Variants in MKX observed in about 807,000 individuals in gnomAD.
MKX encodes the protein homeobox protein Mohawk.
Under a neutral mutation model 36.0 loss-of-function variants are expected in MKX, and 13 were observed. The observed-to-expected ratio is 0.36, with a 90% CI of 0.24 to 0.57. The LOEUF (loss-of-function observed/expected upper bound fraction) is 0.57. MKX is among the 20% of genes least tolerant of loss of function. MKX has a pLI of 0.79. For synonymous variants in MKX, 176 were observed against 178.3 expected (o/e 0.99, Z 0.10); for missense variants, 458 against 456.4 (o/e 1.00, Z -0.03).
chr10:27,743,438 C>T lies in MKX; in HGVS notation c.-23G>A, dbSNP rs764939593. ...CATGGTGTCGGTTGGTAGGGACGCGCGGCGCGGCCGCAGAGCCTCGGGGCT... is the reference window on the plus strand; with the variant it reads ...CATGGTGTCGGTTGGTAGGGACGCGTGGCGCGGCCGCAGAGCCTCGGGGCT... On this transcript the variant is annotated 5_prime_UTR_variant, in exon 2 of 7. Transcript: ENST00000419761. The T allele has an allele frequency of 5.7e-5, 87 of 1,517,482 alleles. No homozygotes were observed. Among genetic ancestry groups the T allele is most frequent in the Admixed American group, 9.4e-5 (4 of 42,710 alleles). The allele number at this position is 1,517,482 out of a possible 1,614,324, so 94.0% of individuals were successfully genotyped here. A position where few individuals can be genotyped will look rare whatever the true frequency, so the allele number is the denominator to read the frequency against.
rs954000655 is a variant in MKX, at chr10:27,722,805, T to C, written c.838+11651A>G. Among the ~76,000 whole-genome samples, 14 of 152,284 alleles carry C rather than the reference T, an allele frequency of 9.2e-5. No individual in the cohort carries two copies. The South Asian group carries it at 2.9e-3, about 32-fold the overall frequency. On this transcript the variant is annotated intron_variant, in intron 5 of 6. Coordinates refer to ENST00000419761, the MANE Select transcript of MKX (RefSeq NM_173576.3). Reference sequence around the variant, plus strand: ...CCAGCCTCTACCCAGACCTTTATGCTGTCATTTTAATGAAAGCATCTGAGA... The same window carrying C: ...CCAGCCTCTACCCAGACCTTTATGCCGTCATTTTAATGAAAGCATCTGAGA...
intron 5 of MKX, among the ~76,000 whole-genome samples, chr10:27,706,834 A>C (rs1295238080): frequency 1.3e-5 from 2 of 152,220 alleles, no homozygotes; most frequent in Admixed American, 1.3e-4. Context: ...CTTGCTCTTA[A>C]ATCCATAAAG....
chr10:27,718,852 C>G (rs148215651), intron 5 of MKX, among the ~76,000 whole-genome samples: 209 of 152,180 alleles, frequency 1.4e-3, no homozygotes, highest in African/African-American at 4.9e-3. Context: ...TACATGAAAC[C>G]TACCAGGAAT....
At chr10:27,703,674 G>A (rs1050475113) in intron 5 of MKX, among the ~76,000 whole-genome samples, 7 of 152,072 alleles carry the variant, frequency 4.6e-5, no homozygotes, top group South Asian at 2.1e-4. Flanking sequence ...CGTAGCGGGC[G>A]GATCACTTGA....
Position 27,741,349 on chromosome 10 carries a change from A to C in MKX, c.344T>G (p.Val115Gly), listed in dbSNP as rs1215200540. The change falls in exon 3 of 7, where the codon GTG (valine) becomes GGG (glycine). Residue 115 changes from valine (V) to glycine (G), a missense_variant. By Grantham distance (109) the Val-to-Gly change is moderately radical. Coordinates refer to ENST00000419761, the MANE Select transcript of MKX (RefSeq NM_173576.3). The surrounding 1 kb of genome is among the most constrained non-coding windows in gnomAD (Gnocchi z 5.1). ...LLALGSQMTL[V>G]QVSNWFANAR... ...GTGTTAATGGGTCCTGATTACCTGC[A>C]CTAGCGTCATCTGCGAGCCGAGGGC... 6.2e-7 allele frequency: 1 copy of C among 1,612,436 alleles called. No individual in the cohort carries two copies. Among genetic ancestry groups the C allele is most frequent in the East Asian group, 2.2e-5 (1 of 44,718 alleles).
At chr10:27,734,233 C>T (rs1834698048) in intron 5 of MKX, among the ~76,000 whole-genome samples, 1 of 151,930 alleles carries the variant, frequency 6.6e-6, no homozygotes, top group Non-Finnish European at 1.5e-5. Context: ...ATAAAACTTC[C>T]TGTCTTTAAT....
At chr10:27,711,499 T>TCTCTCTCTTCCTTCC (rs1554772224) in intron 5 of MKX, among the ~76,000 whole-genome samples, 1 of 93,032 alleles carries the variant, frequency 1.1e-5, no homozygotes, top group African/African-American at 5.2e-5. Context: ...CTCTCTCTTC[T>TCTCTCTCTTCCTTCC]TTCCTTCCTT....
At chr10:27,727,196 G>C (rs1325774450) in intron 5 of MKX, among the ~76,000 whole-genome samples, 1 of 152,184 alleles carries the variant, frequency 6.6e-6, no homozygotes, top group African/African-American at 2.4e-5. Flanking sequence ...CAGTTTCTAG[G>C]CTAAACTGCC....
intron 5 of MKX, among the ~76,000 whole-genome samples, chr10:27,691,296 A>G (rs547307169): frequency 2.0e-5 from 3 of 152,278 alleles, no homozygotes; most frequent in African/African-American, 7.2e-5. Flanking sequence ...ATGGCACTTG[A>G]ACAAGCTCCT....
rs1227585139 is a variant in MKX, at chr10:27,738,868, T to C, written c.348+2477A>G. ...TATTGAGCACTTCATTTCCACACCATGTAATATAACACTTGGAATAATGAA... is the reference window on the plus strand; with the variant it reads ...TATTGAGCACTTCATTTCCACACCACGTAATATAACACTTGGAATAATGAA... On this transcript the variant is annotated intron_variant, in intron 3 of 6. Coordinates refer to ENST00000419761, the MANE Select transcript of MKX (RefSeq NM_173576.3). Among the ~76,000 whole-genome samples, 3 of 152,132 alleles carry C rather than the reference T, an allele frequency of 2.0e-5. No individual in the cohort carries two copies. In the East Asian group the frequency reaches 5.8e-4, roughly 29 times the overall value.
In MKX at chr10:27,675,077, T is replaced by G; in HGVS notation, c.*152A>C. 1 of 620,466 alleles carries G rather than the reference T, an allele frequency of 1.6e-6. No homozygotes were observed. The highest frequency in any genetic ancestry group is 3.5e-5 in the Admixed American group (1 of 28,642). The allele number at this position is 620,466 out of a possible 1,614,324, so 38.4% of individuals were successfully genotyped here. ...TGAGTTTTTTATAATTTATATGTCT[T>G]TTATAGAAGCAACTAAATGATATAT... On this transcript the variant is annotated 3_prime_UTR_variant, in exon 7 of 7. Coordinates refer to ENST00000419761, the MANE Select transcript of MKX (RefSeq NM_173576.3).
At chr10:27,681,439 C>T (rs1314141365) in intron 5 of MKX, among the ~76,000 whole-genome samples, 1 of 151,710 alleles carries the variant, frequency 6.6e-6, no homozygotes, top group East Asian at 1.9e-4. Context: ...CAGAGCAGGA[C>T]TCCATCGCAA....
At chr10:27,709,898 A>AG (rs1352113091) in intron 5 of MKX, among the ~76,000 whole-genome samples, 23 of 152,356 alleles carry the variant, frequency 1.5e-4, no homozygotes, top group Non-Finnish European at 2.6e-4. Flanking sequence ...AGAAAGAAAA[A>AG]GTGAAAGTAT....
intron 5 of MKX, among the ~76,000 whole-genome samples, chr10:27,692,639 C>T (rs977214915): frequency 6.6e-6 from 1 of 152,156 alleles, no homozygotes; most frequent in African/African-American, 2.4e-5. Flanking sequence ...CACATGGAAT[C>T]ATCAGAAACT....
rs144783116 is a variant in MKX, at chr10:27,708,616, C to T, written c.838+25840G>A. On this transcript the variant is annotated intron_variant, in intron 5 of 6. Coordinates refer to ENST00000419761, the MANE Select transcript of MKX (RefSeq NM_173576.3). ...TGGTGGCGTGCGCCTCTAGTCTCAG[C>T]TACTTGGGAGGCTGAGGCAAGAGAA... 2.3e-3 allele frequency among the ~76,000 whole-genome samples: 353 copies of T among 151,806 alleles called. 1 individual carries two copies. Among genetic ancestry groups the T allele is most frequent in the African/African-American group, 8.2e-3 (341 of 41,414 alleles).
intron 1 of MKX, among the ~76,000 whole-genome samples, chr10:27,743,740 C>T (rs1460764793): frequency 2.0e-5 from 3 of 152,214 alleles, no homozygotes; most frequent in African/African-American, 7.2e-5. Context: ...AATCCCTTCA[C>T]TCCCCAGAAC....
At chr10:27,701,452 A>C (rs1201179604) in intron 5 of MKX, among the ~76,000 whole-genome samples, 1 of 146,788 alleles carries the variant, frequency 6.8e-6, no homozygotes, top group Non-Finnish European at 1.5e-5. Context: ...ATAAGTATAT[A>C]AAAGATTAAA....
chr10:27,697,843 G>A (rs535925820), intron 5 of MKX, among the ~76,000 whole-genome samples: 1 of 152,278 alleles, frequency 6.6e-6, no homozygotes, highest in Non-Finnish European at 1.5e-5. Flanking sequence ...CAATGGCAGG[G>A]ATAAGGAGGC....
chr10:27,736,014 C>G (rs922520909), intron 3 of MKX, among the ~76,000 whole-genome samples: 1 of 152,084 alleles, frequency 6.6e-6, no homozygotes, highest in South Asian at 2.1e-4. Flanking sequence ...TTGGCTTGGG[C>G]AATGTCTAGT....
Sources: allele counts gnomAD v4.1 joint callset (sites outside exome capture counted in the v4.1 genomes callset), GRCh38; gene constraint gnomAD v4.1.1; non-coding constraint Gnocchi (gnomAD v3.1); transcripts MANE v1.5; gene names NCBI Gene and HGNC (gene_info 2026-07-23, HGNC 2026-07-21).